RICTOR: variants seen among roughly 807,000 people sequenced by gnomAD.
RICTOR encodes rapamycin-insensitive companion of mTOR.
RICTOR carries 49 observed loss-of-function variants against 214.9 expected under a neutral mutation model. The observed-to-expected ratio is 0.23, with a 90% CI of 0.18 to 0.29. The LOEUF (loss-of-function observed/expected upper bound fraction) is 0.29. Among genes scored for constraint, RICTOR ranks in the 10% least tolerant of loss-of-function variants. The pLI, the probability that RICTOR is intolerant of heterozygous loss-of-function variation, is 1.00. For synonymous variants in RICTOR, 717 were observed against 711.3 expected, an observed-to-expected ratio of 1.01 and a Z score of -0.13; for missense variants, 1,625 against 2,047.0, an observed-to-expected ratio of 0.79 and a Z score of 3.98.
rs1359219733 is a variant in RICTOR at position 38,937,988 on chromosome 5, T to C, written c.*4316A>G. On this transcript the variant is annotated 3_prime_UTR_variant, in exon 38 of 38. Transcript: ENST00000357387. This position sits in a 1 kb window ranked among gnomAD's most constrained non-coding sequence, Gnocchi z 4.0. ...ATAAGATTATGCTTCAGGAGGCTTT[T>C]AATGCCCTTGACATAAACTATACAC... 5.2e-6 allele frequency: 1 copy of C among 193,584 alleles called. No homozygotes were observed. Among genetic ancestry groups the C allele is most frequent in the Non-Finnish European group, 1.1e-5 (1 of 92,554 alleles). 12.0% of individuals were successfully genotyped at this position (193,584 alleles called of 1,614,324 possible). A position where few individuals can be genotyped will look rare whatever the true frequency, so the allele number is the denominator to read the frequency against.
intron 33 of RICTOR, among the ~76,000 whole-genome samples, chr5:38,946,112 GTATTT>G (rs1233850260): frequency 6.6e-6 from 1 of 152,142 alleles, no homozygotes; most frequent in African/African-American, 2.4e-5. Flanking sequence ...CAAAGACCGT[GTATTT>G]TATAAGTACA....
chr5:39,070,213 C>T (rs927252455), intron 2 of RICTOR, among the ~76,000 whole-genome samples: 3 of 152,158 alleles, frequency 2.0e-5, no homozygotes, highest in African/African-American at 7.2e-5. Flanking sequence ...CGCCTGTAAT[C>T]CCAGCACTTT....
At chr5:38,945,903 T>C (rs958929753) in intron 33 of RICTOR, among the ~76,000 whole-genome samples, 179 bp from the exon 34 acceptor site, 1 of 152,178 alleles carries the variant, frequency 6.6e-6, no homozygotes, top group African/African-American at 2.4e-5. Context: ...CAGATGTTTA[T>C]TATTTTAATA....
In RICTOR at chr5:38,950,696, C is replaced by T. The variant is rs767497249; in HGVS notation, c.3152G>A (p.Arg1051Gln). 5.0e-6 allele frequency: 8 copies of T among 1,599,096 alleles called. No homozygotes were observed. In the East Asian group the frequency reaches 8.9e-5, roughly 18 times the overall value. The change falls in exon 31 of 38, where the codon CGG becomes CAG. Residue 1051 changes from arginine to glutamine, a missense_variant. By Grantham distance (43) the Arg-to-Gln change is conservative. Transcript: ENST00000357387. ...PSSMFILEDD[R>Q]FGSSSTSTFF... The stretch of plus-strand genomic sequence containing the variant: ...TGTGCTAGTAGAGCTGCTGCCAAAC[C>T]GGTCATCCTCCAATATGAACATACC...
chr5:39,000,854 A>C (rs1381788451), intron 5 of RICTOR, among the ~76,000 whole-genome samples: 1 of 152,032 alleles, frequency 6.6e-6, no homozygotes, highest in Non-Finnish European at 1.5e-5. Context: ...AACAGAAAAG[A>C]ATGTTTTAAA....
At chr5:38,983,895 G>A (rs1314576601) in intron 7 of RICTOR, among the ~76,000 whole-genome samples, 1 of 152,200 alleles carries the variant, frequency 6.6e-6, no homozygotes, top group Non-Finnish European at 1.5e-5. Flanking sequence ...AACCCAGGAG[G>A]CGGAGGTTGC....
At chr5:39,018,860 A>C (rs1360078745) in intron 3 of RICTOR, among the ~76,000 whole-genome samples, 1 of 152,152 alleles carries the variant, frequency 6.6e-6, no homozygotes, top group African/African-American at 2.4e-5. Flanking sequence ...TAGTGAAGAA[A>C]GTCCAGAGAG....
rs1747171226 is a variant in RICTOR at position 38,938,157 on chromosome 5, T to C, written c.*4147A>G. The C allele has an allele frequency of 9.2e-6, 2 of 217,516 alleles. No individual in the cohort carries two copies. Among genetic ancestry groups the C allele is most frequent in the Admixed American group, 1.2e-4 (2 of 17,206 alleles). 13.5% of individuals were successfully genotyped at this position (217,516 alleles called of 1,614,324 possible). A position where few individuals can be genotyped will look rare whatever the true frequency, so the allele number is the denominator to read the frequency against. ...ATACTTTTTCTTTCTATGTTACAGT[T>C]ATACAATATAAATCAGATTTCAATG... On this transcript the variant is annotated 3_prime_UTR_variant, in exon 38 of 38. Coordinates refer to ENST00000357387, the MANE Select transcript of RICTOR (RefSeq NM_152756.5).
intron 2 of RICTOR, among the ~76,000 whole-genome samples, chr5:39,036,903 A>T (rs1003319743): frequency 2.0e-5 from 3 of 152,198 alleles, no homozygotes; most frequent in African/African-American, 7.2e-5. Context: ...CATTAGACAG[A>T]TCAACGAGAC....
At chr5:39,038,313 C>T (rs562127558) in intron 2 of RICTOR, among the ~76,000 whole-genome samples, 29 of 152,248 alleles carry the variant, frequency 1.9e-4, no homozygotes, top group East Asian at 1.4e-3. Context: ...GTTGATGGGA[C>T]GTATCTCAAA....
At position 39,018,435 on chromosome 5, in the gene RICTOR, T is replaced by C. The variant is rs545933536; in HGVS notation, c.195+2604A>G. Among the ~76,000 whole-genome samples, 4 of 152,306 alleles carry C rather than the reference T, an allele frequency of 2.6e-5. No homozygotes were observed. The South Asian group carries it at 8.3e-4, about 32-fold the overall frequency. ...TCACAGATACTCTGTTTTTTACACA[T>C]TGAAGGTTTGTGGCAAACCTGCTTC... On this transcript the variant is annotated intron_variant, in intron 3 of 37. Coordinates refer to ENST00000357387, the MANE Select transcript of RICTOR (RefSeq NM_152756.5).
intron 2 of RICTOR, among the ~76,000 whole-genome samples, chr5:39,064,954 T>C (rs892646716): frequency 6.6e-6 from 1 of 152,166 alleles, no homozygotes; most frequent in Non-Finnish European, 1.5e-5. Flanking sequence ...GCATGCCATA[T>C]CTTCCTCAGA....
Position 38,974,051 on chromosome 5 carries a change from T to C in RICTOR, c.889+1486A>G, listed in dbSNP as rs118183184. The stretch of plus-strand genomic sequence containing the variant: ...GGTAGAAGACTCCCACCCCTCTAAG[T>C]TTCTTTCTTTTTTTTTGAGACAGAG... On this transcript the variant is annotated intron_variant, in intron 10 of 37. Coordinates refer to ENST00000357387, the MANE Select transcript of RICTOR (RefSeq NM_152756.5). Among the ~76,000 whole-genome samples the C allele has an allele frequency of 5.3e-5, 8 of 152,002 alleles. No homozygotes were observed. In the East Asian group the frequency reaches 1.2e-3, roughly 22 times the overall value.
intron 24 of RICTOR, among the ~76,000 whole-genome samples, chr5:38,958,117 G>T (rs1464723597): frequency 1.3e-5 from 2 of 151,774 alleles, no homozygotes; most frequent in South Asian, 2.1e-4. Context: ...TGCGCCTTTA[G>T]TCCCAGCTAC....
chr5:38,982,786 A>G (rs1446473315), intron 7 of RICTOR, among the ~76,000 whole-genome samples: 2 of 50,842 alleles, frequency 3.9e-5, no homozygotes, highest in African/African-American at 1.3e-4. Flanking sequence ...ACATATATAT[A>G]TACATATATA....
At chr5:38,996,931 CTT>C (rs1395644414) in intron 5 of RICTOR, 49 bp from the exon 6 acceptor site, 9 of 1,260,160 alleles carry the variant, frequency 7.1e-6, no homozygotes, top group Non-Finnish European at 1.0e-5. Context: ...TATTAAACAA[CTT>C]TTTGTATCAC....
chr5:38,955,525 T>A, intron 26 of RICTOR, 70 bp downstream of exon 26: 2 of 858,672 alleles, frequency 2.3e-6, no homozygotes, highest in Non-Finnish European at 2.0e-6. Context: ...AAGCAGAATA[T>A]ACAAAAACTC....
intron 2 of RICTOR, among the ~76,000 whole-genome samples, chr5:39,069,675 T>C (rs1174368636): frequency 2.0e-5 from 3 of 152,230 alleles, no homozygotes. Flanking sequence ...TCTTCCATTT[T>C]AATATGTATT....
At chr5:38,988,600 G>A (rs1292670213) in intron 7 of RICTOR, among the ~76,000 whole-genome samples, 1 of 151,804 alleles carries the variant, frequency 6.6e-6, no homozygotes, top group Non-Finnish European at 1.5e-5. Flanking sequence ...CACGTAAGAT[G>A]GGTCTCCTTA....
Sources: gnomAD v4.1 joint callset for allele counts (sites outside exome capture counted in the v4.1 genomes callset) on GRCh38, gnomAD v4.1.1 for gene constraint, Gnocchi (gnomAD v3.1) non-coding constraint, MANE v1.5 for transcripts, NCBI Gene and HGNC (gene_info 2026-07-23, HGNC 2026-07-21) for gene names.